Variants in NSUN3 observed in about 807,000 individuals in gnomAD.
NSUN3 encodes the protein NOP2/Sun RNA methyltransferase 3, also known as tRNA (cytosine(34)-C(5))-methyltransferase, mitochondrial.
In NSUN3, 24 loss-of-function variants were observed where a neutral mutation model predicts 36.8. The observed-to-expected ratio is 0.65, with a 90% CI of 0.47 to 0.92. The LOEUF is 0.92. Among genes scored for constraint, NSUN3 ranks in the 40% least tolerant of loss-of-function variants. The pLI is 0.00. For synonymous variants in NSUN3, 146 were observed against 145.2 expected, an observed-to-expected ratio of 1.01 and a Z score of -0.04; for missense variants, 381 against 392.8, an observed-to-expected ratio of 0.97 and a Z score of 0.25.
chr3:94,104,834 A>G (rs958781374), intron 5 of NSUN3, among the ~76,000 whole-genome samples: 1 of 152,250 alleles, frequency 6.6e-6, no homozygotes, highest in Non-Finnish European at 1.5e-5. Context: ...AATGATTATC[A>G]ATGGATTAAT....
intron 5 of NSUN3, among the ~76,000 whole-genome samples, chr3:94,097,119 A>G (rs2077344756): frequency 6.6e-6 from 1 of 152,120 alleles, no homozygotes; most frequent in Non-Finnish European, 1.5e-5. Flanking sequence ...TTAAAGAACT[A>G]TTAATTTTTA....
In NSUN3 at chr3:94,126,521, T is replaced by C; in HGVS notation, c.*31T>C. ...ATTTGTAAACTGTGTTTATGTGTTA[T>C]TATATTTATATTTCTGAACTCAGTA... On this transcript the variant is annotated 3_prime_UTR_variant, in exon 6 of 6. Coordinates refer to ENST00000314622, the MANE Select transcript of NSUN3 (RefSeq NM_022072.5). 1.3e-6 allele frequency: 2 copies of C among 1,562,826 alleles called. No homozygotes were observed. The highest frequency in any genetic ancestry group is 1.7e-6 in the Non-Finnish European group (2 of 1,146,762).
At chr3:94,121,043 T>G (rs985307917) in intron 5 of NSUN3, among the ~76,000 whole-genome samples, 3 of 152,164 alleles carry the variant, frequency 2.0e-5, no homozygotes, top group Non-Finnish European at 4.4e-5. Context: ...TCATTAGATG[T>G]GTATTAGTTG....
intron 5 of NSUN3, among the ~76,000 whole-genome samples, chr3:94,103,147 A>T (rs1489084623): frequency 6.6e-6 from 1 of 152,100 alleles, no homozygotes; most frequent in Admixed American, 6.6e-5. Context: ...TTGGCCTCCC[A>T]AAGTGCTGGG....
At chr3:94,109,779 G>A (rs148446801) in intron 5 of NSUN3, among the ~76,000 whole-genome samples, 5 of 152,284 alleles carry the variant, frequency 3.3e-5, no homozygotes, top group South Asian at 2.1e-4. Context: ...CACTGGATGT[G>A]TAACAATATA....
chr3:94,076,666 G>T, intron 2 of NSUN3: 1 of 1,120,476 alleles, frequency 8.9e-7, no homozygotes, highest in African/African-American at 1.5e-5. Context: ...GGAGACGCAA[G>T]TCTGAGTTGC....
Position 94,063,098 on chromosome 3 carries a change from C to G in NSUN3, c.-29C>G, listed in dbSNP as rs1344439136. 10 of 1,613,922 alleles carry G rather than the reference C, an allele frequency of 6.2e-6. No individual in the cohort carries two copies. The South Asian group carries it at 1.1e-4, about 18-fold the overall frequency. ...GCTTTTTGATACTGATTCGCGTACA[C>G]CTGTTGTTTGAAAGCTCTCAGCGGG... On this transcript the variant is annotated 5_prime_UTR_variant, in exon 1 of 6. Transcript: ENST00000314622.
At chr3:94,100,435 A>G (rs181428625) in intron 5 of NSUN3, among the ~76,000 whole-genome samples, 1 of 152,314 alleles carries the variant, frequency 6.6e-6, no homozygotes, top group East Asian at 1.9e-4. Context: ...TTGATCTCAT[A>G]GAAATAGCAT....
intron 5 of NSUN3, among the ~76,000 whole-genome samples, chr3:94,122,636 C>T (rs935419552): frequency 1.4e-4 from 22 of 152,130 alleles, no homozygotes; most frequent in African/African-American, 4.8e-4. Context: ...CTCTTAAATA[C>T]ACATCACACC....
At chr3:94,111,828 T>A (rs1004927494) in intron 5 of NSUN3, among the ~76,000 whole-genome samples, 21 of 152,154 alleles carry the variant, frequency 1.4e-4, no homozygotes, top group Admixed American at 9.2e-4. Flanking sequence ...TTTTTTTTTT[T>A]TAAGAAGGAG....
chr3:94,103,545 TTATA>T (rs1278449804), intron 5 of NSUN3, among the ~76,000 whole-genome samples: 1 of 151,332 alleles, frequency 6.6e-6, no homozygotes, highest in African/African-American at 2.4e-5. Context: ...GTAGAGTAAT[TTATA>T]TATATATACT....
intron 5 of NSUN3, among the ~76,000 whole-genome samples, chr3:94,119,243 C>G (rs1259290236): frequency 1.3e-5 from 2 of 152,072 alleles, no homozygotes; most frequent in African/African-American, 4.8e-5. Context: ...AAAACAAAGA[C>G]CAGAAATACT....
At chr3:94,094,891 G>C (rs2077331060) in intron 4 of NSUN3, 142 bp from the exon 5 acceptor site, 13 of 776,344 alleles carry the variant, frequency 1.7e-5, no homozygotes, top group Non-Finnish European at 2.7e-5. Context: ...AAAACCTACT[G>C]TGGTGTATTT....
intron 3 of NSUN3, among the ~76,000 whole-genome samples, chr3:94,093,920 G>C (rs2077326550): frequency 6.6e-6 from 1 of 152,194 alleles, no homozygotes; most frequent in South Asian, 2.1e-4. Flanking sequence ...AGGCATGACT[G>C]TTGTAAATGT....
chr3:94,088,640 C>T (rs1381621982), intron 3 of NSUN3, among the ~76,000 whole-genome samples: 25 of 150,612 alleles, frequency 1.7e-4, no homozygotes. Flanking sequence ...TAGCATCCTC[C>T]GTTAGTGTCC....
intron 5 of NSUN3, among the ~76,000 whole-genome samples, chr3:94,115,718 A>T (rs1274978059): frequency 6.6e-6 from 1 of 152,216 alleles, no homozygotes; most frequent in Non-Finnish European, 1.5e-5. Context: ...CCCTTTTTAA[A>T]TGCAGAAAAC....
chr3:94,100,800 A>G (rs1303493081), intron 5 of NSUN3, among the ~76,000 whole-genome samples: 1 of 152,166 alleles, frequency 6.6e-6, no homozygotes, highest in Non-Finnish European at 1.5e-5. Flanking sequence ...GCGTGAAGGC[A>G]TGCAGTCACT....
intron 3 of NSUN3, among the ~76,000 whole-genome samples, chr3:94,091,560 A>G (rs1344128917): frequency 5.9e-5 from 9 of 152,222 alleles, no homozygotes; most frequent in Non-Finnish European, 1.0e-4. Context: ...ACCCAGATAT[A>G]CAATAACAGT....
At chr3:94,069,738 A>G (rs1056289475) in intron 2 of NSUN3, among the ~76,000 whole-genome samples, 3 of 152,224 alleles carry the variant, frequency 2.0e-5, no homozygotes, top group East Asian at 3.9e-4. Context: ...TTGTTAAAAT[A>G]GTAAGTAGTT....
Sources: allele counts gnomAD v4.1 joint callset (sites outside exome capture counted in the v4.1 genomes callset), GRCh38; gene constraint gnomAD v4.1.1; transcripts MANE v1.5; gene names NCBI Gene and HGNC (gene_info 2026-07-23, HGNC 2026-07-21).